Variants in PXDN observed in about 807,000 individuals in gnomAD.
PXDN encodes the protein peroxidasin, also known as peroxidasin homolog.
In PXDN, 77 loss-of-function variants were observed where a neutral mutation model predicts 140.3. The observed-to-expected ratio is 0.55, with a 90% CI of 0.46 to 0.66. The LOEUF is 0.66. Ranked by LOEUF, PXDN falls within the 30% of genes least tolerant of loss-of-function variation. PXDN has a pLI of 0.00. For missense variants in PXDN, 1,838 were observed against 2,039.5 expected, an observed-to-expected ratio of 0.90 and a Z score of 1.90; for synonymous variants, 911 against 857.4, an observed-to-expected ratio of 1.06 and a Z score of -1.09.
Position 1,644,759 on chromosome 2 carries a change from A to C in PXDN, c.3609-7T>G. ...GAGTGTCGAGCCATACAACCTAAAA[A>C]ATAAAGAGAAAACTGAAATCTACCT... On this transcript the variant is annotated splice_region_variant and splice_polypyrimidine_tract_variant and intron_variant, in intron 17 of 22. Transcript: ENST00000252804. 1 of 1,498,738 alleles carries C rather than the reference A, an allele frequency of 6.7e-7. No homozygotes were observed. Among genetic ancestry groups the C allele is most frequent in the African/African-American group, 1.4e-5 (1 of 71,264 alleles). The allele number at this position is 1,498,738 out of a possible 1,614,324, so 92.8% of individuals were successfully genotyped here. A position where few individuals can be genotyped will look rare whatever the true frequency, so the allele number is the denominator to read the frequency against.
chr2:1,699,937 T>C (rs901937865), intron 1 of PXDN, among the ~76,000 whole-genome samples: 1 of 152,218 alleles, frequency 6.6e-6, no homozygotes, highest in African/African-American at 2.4e-5. Context: ...AGGCCTATGT[T>C]TCTAACTAAT....
At chr2:1,640,789 G>A (rs1682707513) in intron 19 of PXDN, among the ~76,000 whole-genome samples, 1 of 152,236 alleles carries the variant, frequency 6.6e-6, no homozygotes, top group South Asian at 2.1e-4. Context: ...ACCCAGGGCT[G>A]TGCAGGTCTG....
Position 1,658,070 on chromosome 2 carries a change from CTCTCTCTCT to C in PXDN, c.1837+2802_1837+2810del, listed in dbSNP as rs1683202539. The stretch of plus-strand genomic sequence containing the variant: ...TCTCTCTCTCTCTCTCTCTCTCTCT[CTCTCTCTCT>C]CTCTCTCTCTCTCTGTTACAGTGTC... On this transcript the variant is annotated intron_variant, in intron 14 of 22. Coordinates refer to ENST00000252804, the MANE Select transcript of PXDN (RefSeq NM_012293.3). Among the ~76,000 whole-genome samples the C allele has an allele frequency of 1.0e-4, 11 of 108,906 alleles. 1 individual carries two copies. Among genetic ancestry groups the C allele is most frequent in the South Asian group, 8.3e-4 (3 of 3,630 alleles). The allele number at this position is 108,906 out of a possible 152,430, so 71.4% of individuals were successfully genotyped here. A position where few individuals can be genotyped will look rare whatever the true frequency, so the allele number is the denominator to read the frequency against.
chr2:1,684,950 C>T (rs1684014666), intron 4 of PXDN, among the ~76,000 whole-genome samples: 2 of 152,218 alleles, frequency 1.3e-5, no homozygotes, highest in Non-Finnish European at 2.9e-5. Context: ...AACCAGCACA[C>T]ATTTTCAGTG....
intron 1 of PXDN, 53 bp downstream of exon 1, chr2:1,744,203 G>T (rs1685633280): frequency 1.4e-6 from 2 of 1,418,568 alleles, no homozygotes; most frequent in East Asian, 3.0e-5. Flanking sequence ...TGCGCTCCCG[G>T]ATCTCCACGA....
Position 1,663,479 on chromosome 2 carries a change from C to T in PXDN, c.1567+126G>A, listed in dbSNP as rs73910822. 2.9e-3 allele frequency: 3,892 copies of T among 1,335,908 alleles called. 80 individuals carry two copies. In the African/African-American group the frequency reaches 0.047, roughly 16 times the overall value. 82.8% of individuals were successfully genotyped at this position (1,335,908 alleles called of 1,614,324 possible). A position where few individuals can be genotyped will look rare whatever the true frequency, so the allele number is the denominator to read the frequency against. ...GGGGCACAAGCACAATGACGGTGCACAAAATGCAGAGAGAACAGCCAACGC... is the reference window on the plus strand; with the variant it reads ...GGGGCACAAGCACAATGACGGTGCATAAAATGCAGAGAGAACAGCCAACGC... On this transcript the variant is annotated intron_variant, in intron 12 of 22. Coordinates refer to ENST00000252804, the MANE Select transcript of PXDN (RefSeq NM_012293.3).
At chr2:1,716,220 C>T (rs1486355849) in intron 1 of PXDN, among the ~76,000 whole-genome samples, 1 of 152,082 alleles carries the variant, frequency 6.6e-6, no homozygotes, top group Non-Finnish European at 1.5e-5. Context: ...GGTGGATCAC[C>T]TGAGGTCAGG....
chr2:1,684,167 GA>G lies in PXDN; in HGVS notation c.417-17del, dbSNP rs763178030. ...GTGCAGGTATCTAGAGGAGTTAAAA[GA>G]AAAAAAAGTATAACTTACAATTTAT... On this transcript the variant is annotated splice_polypyrimidine_tract_variant and intron_variant, in intron 4 of 22. Transcript: ENST00000252804. The G allele has an allele frequency of 1.2e-5, 18 of 1,544,400 alleles. No homozygotes were observed. The highest frequency in any genetic ancestry group is 3.6e-5 in the South Asian group (3 of 82,198).
At chr2:1,743,224 G>C (rs933796559) in intron 1 of PXDN, among the ~76,000 whole-genome samples, 2 of 152,200 alleles carry the variant, frequency 1.3e-5, no homozygotes, top group Non-Finnish European at 2.9e-5. Context: ...ACGCGGGACG[G>C]CCCGCAGGAC....
chr2:1,692,210 G>A (rs1251924265), intron 2 of PXDN, among the ~76,000 whole-genome samples: 1 of 152,204 alleles, frequency 6.6e-6, no homozygotes, highest in East Asian at 1.9e-4. Context: ...AATGGTGTCC[G>A]TACCACTCCA....
intron 8 of PXDN, among the ~76,000 whole-genome samples, chr2:1,675,715 C>CTT (rs1683687366): frequency 1.3e-5 from 2 of 152,156 alleles, no homozygotes; most frequent in African/African-American, 4.8e-5. Flanking sequence ...TAAACACCAC[C>CTT]TTGCCCGAGA....
chr2:1,670,665 C>T (rs971696909), intron 9 of PXDN, among the ~76,000 whole-genome samples: 4 of 152,144 alleles, frequency 2.6e-5, no homozygotes, highest in East Asian at 3.8e-4. Flanking sequence ...AAGTCAAAGT[C>T]GGCCTTGAGG....
intron 14 of PXDN, among the ~76,000 whole-genome samples, chr2:1,658,619 G>T (rs1042731763): frequency 6.6e-6 from 1 of 152,014 alleles, no homozygotes; most frequent in Non-Finnish European, 1.5e-5. Context: ...CCAAATCTTA[G>T]GAAAGCAGAC....
chr2:1,655,934 C>T (rs141163318), intron 14 of PXDN, among the ~76,000 whole-genome samples: 3 of 148,668 alleles, frequency 2.0e-5, no homozygotes, highest in Non-Finnish European at 4.4e-5. Context: ...ACATACACAC[C>T]ACACAAATAC....
chr2:1,638,816 T>TG (rs1298518509), intron 21 of PXDN, 30 bp downstream of exon 21: 1 of 1,613,396 alleles, frequency 6.2e-7, no homozygotes. Context: ...AATCTTGGAG[T>TG]GGGGGGACAC....
chr2:1,648,285 G>A lies in PXDN; in HGVS notation c.3495C>T (p.His1165=), dbSNP rs1326416189. The part of the protein sequence containing the change: ...AAINIQRGRD[H]GIPPYHDYRV... ...TGTAGTCGTGGTAGGGTGGGATCCC[G>A]TGGTCCCGGCCCCGCTGGATGTTGA... Residue 1165 remains histidine, a synonymous_variant, in exon 17 of 23, where the codon CAC becomes CAT. Coordinates refer to ENST00000252804, the MANE Select transcript of PXDN (RefSeq NM_012293.3). The surrounding 1 kb of genome is among the most constrained non-coding windows in gnomAD (Gnocchi z 8.9). 13 of 1,613,826 alleles carry A rather than the reference G, an allele frequency of 8.1e-6. No homozygotes were observed. Among genetic ancestry groups the A allele is most frequent in the East Asian group, 2.2e-5 (1 of 44,878 alleles).
At position 1,644,704 on chromosome 2, in the gene PXDN, C is replaced by T. The variant is rs1682810909; in HGVS notation, c.3657G>A (p.Val1219=). Residue 1219 remains valine, a synonymous_variant, in exon 18 of 23, where the codon GTG becomes GTA. Coordinates refer to ENST00000252804, the MANE Select transcript of PXDN (RefSeq NM_012293.3). The part of the protein sequence containing the change: ...LNIDLFPALV[V]EDLVPGSRLG... ...GCCGGCTGCCAGGCACCAGGTCCTC[C>T]ACCACGAGCGCCGGAAACAGGTCGA... 2.5e-6 allele frequency: 4 copies of T among 1,601,312 alleles called. No homozygotes were observed. Among genetic ancestry groups the T allele is most frequent in the East Asian group, 2.3e-5 (1 of 44,442 alleles).
At chr2:1,644,561 G>A (rs1682806685) in intron 18 of PXDN, 57 bp downstream of exon 18, 2 of 1,498,268 alleles carry the variant, frequency 1.3e-6, no homozygotes, top group Non-Finnish European at 1.8e-6. Flanking sequence ...CTTCTCCTCT[G>A]GAGTCCCTAA....
Position 1,744,246 on chromosome 2 carries a change from C to A in PXDN, c.200+10G>T. The stretch of plus-strand genomic sequence containing the variant: ...GACCCCGCGCCCCCGGCGTCCCCCG[C>A]GGCACTCACAGGATGGAGGTCTGCG... On this transcript the variant is annotated intron_variant, in intron 1 of 22. Coordinates refer to ENST00000252804, the MANE Select transcript of PXDN (RefSeq NM_012293.3). 1 of 1,480,914 alleles carries A rather than the reference C, an allele frequency of 6.8e-7. No homozygotes were observed. Among genetic ancestry groups the A allele is most frequent in the Non-Finnish European group, 8.9e-7 (1 of 1,119,162 alleles). The allele number at this position is 1,480,914 out of a possible 1,614,324, so 91.7% of individuals were successfully genotyped here. A position where few individuals can be genotyped will look rare whatever the true frequency, so the allele number is the denominator to read the frequency against.
Sources: gnomAD v4.1 joint callset for allele counts (sites outside exome capture counted in the v4.1 genomes callset) on GRCh38, gnomAD v4.1.1 for gene constraint, Gnocchi (gnomAD v3.1) non-coding constraint, MANE v1.5 for transcripts, NCBI Gene and HGNC (gene_info 2026-07-23, HGNC 2026-07-21) for gene names.